Variants in CSMD1 observed in about 807,000 individuals in gnomAD.
CSMD1 encodes CUB and Sushi multiple domains 1.
Under a neutral mutation model 417.5 loss-of-function variants are expected in CSMD1, and 213 were observed. The observed-to-expected ratio is 0.51, with a 90% CI of 0.46 to 0.57. The LOEUF is 0.57. Ranked by LOEUF, CSMD1 falls within the 20% of genes least tolerant of loss-of-function variation. CSMD1 has a pLI of 0.00. For synonymous variants in CSMD1, 2,862 were observed against 1,736.8 expected (o/e 1.65, Z -16.11); for missense variants, 6,923 against 4,529.7 (o/e 1.53, Z -15.17).
chr8:3,900,667 T>C (rs1228716913), intron 5 of CSMD1, among the ~76,000 whole-genome samples: 5 of 151,716 alleles, frequency 3.3e-5, no homozygotes, highest in Admixed American at 1.3e-4. Flanking sequence ...AGTGACAGTG[T>C]AGCTAGGTGA....
At chr8:4,111,441 A>G (rs1801849754) in intron 3 of CSMD1, among the ~76,000 whole-genome samples, 1 of 152,144 alleles carries the variant, frequency 6.6e-6, no homozygotes, top group Non-Finnish European at 1.5e-5. Context: ...TAGGATATAT[A>G]CCCAGTAATG....
intron 3 of CSMD1, among the ~76,000 whole-genome samples, chr8:4,381,334 C>G (rs1447571911): frequency 2.0e-5 from 3 of 152,048 alleles, no homozygotes; most frequent in African/African-American, 7.2e-5. Context: ...TCATTCCCAA[C>G]ACAATGGATG....
chr8:3,920,993 T>C (rs971040248), intron 5 of CSMD1, among the ~76,000 whole-genome samples: 2 of 152,288 alleles, frequency 1.3e-5, no homozygotes, highest in Admixed American at 6.5e-5. Context: ...TAAAATAAGT[T>C]TGAAAATGTT....
At chr8:4,341,128 G>A (rs1464545917) in intron 3 of CSMD1, among the ~76,000 whole-genome samples, 1 of 152,040 alleles carries the variant, frequency 6.6e-6, no homozygotes, top group Non-Finnish European at 1.5e-5. Context: ...CGTTGCCTAG[G>A]TAACAAGGCC....
chr8:3,435,842 G>A (rs992635646), intron 12 of CSMD1, among the ~76,000 whole-genome samples: 2 of 152,224 alleles, frequency 1.3e-5, no homozygotes, highest in Non-Finnish European at 2.9e-5. Flanking sequence ...GCAGGGGGCT[G>A]ATGCCTTGAT....
intron 18 of CSMD1, among the ~76,000 whole-genome samples, chr8:3,380,384 A>G (rs1810558761): frequency 6.6e-6 from 1 of 152,236 alleles, no homozygotes; most frequent in Admixed American, 6.5e-5. Context: ...AAATCCCATT[A>G]CTGGGTATGT....
chr8:4,025,512 T>C (rs1005403438), intron 4 of CSMD1, among the ~76,000 whole-genome samples: 9 of 152,256 alleles, frequency 5.9e-5, no homozygotes, highest in South Asian at 4.1e-4. Context: ...GCATTTTTCA[T>C]TGAAACTATC....
At chr8:4,512,627 G>A (rs146826302) in intron 2 of CSMD1, among the ~76,000 whole-genome samples, 2 of 151,932 alleles carry the variant, frequency 1.3e-5, no homozygotes, top group Admixed American at 1.3e-4. Context: ...AAAATAAATT[G>A]CTTTTTTATA....
chr8:4,181,236 C>G (rs1798353746), intron 3 of CSMD1, among the ~76,000 whole-genome samples: 1 of 152,130 alleles, frequency 6.6e-6, no homozygotes, highest in Non-Finnish European at 1.5e-5. Context: ...TACTTATTAT[C>G]TATAGCCATA....
intron 25 of CSMD1, among the ~76,000 whole-genome samples, chr8:3,292,566 C>T (rs949970066): frequency 3.9e-5 from 6 of 152,152 alleles, no homozygotes; most frequent in East Asian, 1.9e-4. Context: ...GAATTGATCC[C>T]TTTACCATTA....
chr8:4,181,957 C>CGTGT (rs146690880), intron 3 of CSMD1, among the ~76,000 whole-genome samples: 46,234 of 149,930 alleles, frequency 0.31, 7,144 homozygotes, highest in East Asian at 0.42. Context: ...TCTGTGTCTG[C>CGTGT]GTGTGTGTGT....
At chr8:2,991,589 C>G (rs935747693) in intron 54 of CSMD1, among the ~76,000 whole-genome samples, 6 of 152,048 alleles carry the variant, frequency 3.9e-5, no homozygotes, top group Admixed American at 1.3e-4. Context: ...ATTGCCATTT[C>G]CTTATGAGCA....
intron 1 of CSMD1, among the ~76,000 whole-genome samples, chr8:4,646,271 G>C (rs999242058): frequency 1.3e-5 from 2 of 152,012 alleles, no homozygotes; most frequent in South Asian, 2.1e-4. Context: ...TTGTATGTCA[G>C]GTATTTATTT....
chr8:3,220,283 C>G (rs1194921894), intron 28 of CSMD1, among the ~76,000 whole-genome samples: 1 of 152,074 alleles, frequency 6.6e-6, no homozygotes, highest in Non-Finnish European at 1.5e-5. Flanking sequence ...CTCTGTCCCT[C>G]TCTTTCTTTC....
At chr8:3,079,363 A>C (rs1297705642) in intron 49 of CSMD1, among the ~76,000 whole-genome samples, 1 of 152,242 alleles carries the variant, frequency 6.6e-6, no homozygotes, top group Non-Finnish European at 1.5e-5. Flanking sequence ...ATATCATAGC[A>C]TGTGATTTGA....
At chr8:3,037,307 G>T (rs189352624) in intron 50 of CSMD1, among the ~76,000 whole-genome samples, 2 of 113,552 alleles carry the variant, frequency 1.8e-5, no homozygotes, top group East Asian at 2.0e-4. Flanking sequence ...CTGGGTTCAC[G>T]CCATTCTCCT....
intron 41 of CSMD1, among the ~76,000 whole-genome samples, chr8:3,124,332 G>A (rs1460475195): frequency 6.6e-6 from 1 of 152,148 alleles, no homozygotes. Flanking sequence ...TAAAAGAATT[G>A]TAAGTTGCAT....
chr8:4,083,796 C>G (rs1309842649), intron 3 of CSMD1, among the ~76,000 whole-genome samples: 1 of 152,140 alleles, frequency 6.6e-6, no homozygotes, highest in Non-Finnish European at 1.5e-5. Context: ...GACTTCATGT[C>G]TATAACACCA....
chr8:3,214,446 G>A lies in CSMD1; in HGVS notation c.4867+51C>T, dbSNP rs570078271. The A allele has an allele frequency of 1.3e-5, 18 of 1,407,718 alleles. No homozygotes were observed. The African/African-American group carries it at 1.6e-4, about 12-fold the overall frequency. 87.2% of individuals were successfully genotyped at this position (1,407,718 alleles called of 1,614,324 possible). A position where few individuals can be genotyped will look rare whatever the true frequency, so the allele number is the denominator to read the frequency against. On this transcript the variant is annotated intron_variant, in intron 30 of 69. Transcript: ENST00000635120. Reference sequence around the variant, plus strand: ...GAAACCATTTCTTCAATGAGATGCTGCATTTTAAAGGAAAGTTGTATTTCT... The same window carrying A: ...GAAACCATTTCTTCAATGAGATGCTACATTTTAAAGGAAAGTTGTATTTCT...
Sources: allele counts gnomAD v4.1 joint callset (sites outside exome capture counted in the v4.1 genomes callset), GRCh38; gene constraint gnomAD v4.1.1; transcripts MANE v1.5; gene names NCBI Gene and HGNC (gene_info 2026-07-23, HGNC 2026-07-21).